Variants in FUT8 observed in about 807,000 individuals in gnomAD.
FUT8 encodes alpha-(1,6)-fucosyltransferase.
In FUT8, 29 loss-of-function variants were observed where a neutral mutation model predicts 71.3. The ratio of observed to expected loss-of-function variants is 0.41; its 90% CI spans 0.30 to 0.55. The LOEUF (loss-of-function observed/expected upper bound fraction) is 0.55. Among genes scored for constraint, FUT8 ranks in the 20% least tolerant of loss-of-function variants. The probability of loss-of-function intolerance (pLI) is 0.34; values close to 1 mark genes in which losing one functional copy is unlikely to be tolerated. For missense variants in FUT8, 544 were observed against 702.1 expected, an observed-to-expected ratio of 0.77 and a Z score of 2.55; for synonymous variants, 254 against 239.3, an observed-to-expected ratio of 1.06 and a Z score of -0.57.
At chr14:65,524,550 T>G (rs539211184) in intron 2 of FUT8, among the ~76,000 whole-genome samples, 94 of 152,306 alleles carry the variant, frequency 6.2e-4, no homozygotes, top group African/African-American at 2.1e-3. Context: ...CTTTTCTCAA[T>G]TGAATGCCCT....
chr14:65,399,640 G>A, the FUT8 span, among the ~76,000 whole-genome samples: 4 of 152,178 alleles, frequency 2.6e-5, no homozygotes, highest in African/African-American at 9.7e-5. Context: ...GTGTTAGAGG[G>A]ACATGGAATA....
intron 6 of FUT8, among the ~76,000 whole-genome samples, chr14:65,635,550 C>T (rs1253382366): frequency 1.3e-5 from 2 of 152,166 alleles, no homozygotes; most frequent in African/African-American, 4.8e-5. Context: ...TAAAGCGATG[C>T]TGGATTTTGT....
the FUT8 span, among the ~76,000 whole-genome samples, chr14:65,369,786 T>G: frequency 6.6e-6 from 1 of 152,214 alleles, no homozygotes; most frequent in Non-Finnish European, 1.5e-5. This position sits in a 1 kb window ranked among gnomAD's most constrained non-coding sequence, Gnocchi z 4.6. Context: ...AACTCATGAA[T>G]AATCTACCCC....
intron 2 of FUT8, among the ~76,000 whole-genome samples, chr14:65,469,936 C>G (rs1024561293): frequency 1.3e-5 from 2 of 152,180 alleles, no homozygotes; most frequent in Non-Finnish European, 2.9e-5. Context: ...ACTGGCAGCC[C>G]GGTCCCCAAC....
intron 7 of FUT8, among the ~76,000 whole-genome samples, chr14:65,717,011 G>T (rs1895112828): frequency 6.7e-6 from 1 of 148,206 alleles, no homozygotes; most frequent in African/African-American, 2.5e-5. Context: ...TGGCCGGGCA[G>T]AGGCGCTCCA....
chr14:65,580,292 G>A (rs1157419249), intron 3 of FUT8, among the ~76,000 whole-genome samples: 1 of 151,316 alleles, frequency 6.6e-6, no homozygotes, highest in Non-Finnish European at 1.5e-5. Context: ...AATACTGTAG[G>A]CAGTTGTAAC....
At chr14:65,375,800 G>A in the FUT8 span, among the ~76,000 whole-genome samples, 4 of 131,964 alleles carry the variant, frequency 3.0e-5, no homozygotes, top group Admixed American at 1.5e-4. Context: ...TAAAAGGTTT[G>A]TATTCTGTGG....
intron 6 of FUT8, among the ~76,000 whole-genome samples, chr14:65,630,784 G>C (rs1890141957): frequency 6.6e-6 from 1 of 152,084 alleles, no homozygotes; most frequent in Admixed American, 6.6e-5. Context: ...TAGTTTTCAG[G>C]GGAAAACAAT....
rs1566848326 is a variant in FUT8, at chr14:65,607,036, T to C, written c.204-8942T>C. Among the ~76,000 whole-genome samples the C allele has an allele frequency of 6.6e-6, 1 of 151,950 alleles. No homozygotes were observed. Among genetic ancestry groups the C allele is most frequent in the Non-Finnish European group, 1.5e-5 (1 of 67,898 alleles). On this transcript the variant is annotated intron_variant, in intron 3 of 10. Coordinates refer to ENST00000673929, the MANE Select transcript of FUT8 (RefSeq NM_001371533.1). This position sits in a 1 kb window ranked among gnomAD's most constrained non-coding sequence, Gnocchi z 4.1. ...TTAGTAATTTGTGGTTGTTGTTGTA[T>C]AGAGACTTTAATTTCTGTACATTGA...
intron 3 of FUT8, among the ~76,000 whole-genome samples, chr14:65,587,143 C>G (rs1194990703): frequency 6.6e-6 from 1 of 150,396 alleles, no homozygotes; most frequent in Admixed American, 6.6e-5. Context: ...GAGCTGAAAT[C>G]GTGCCACTGC....
intron 7 of FUT8, among the ~76,000 whole-genome samples, chr14:65,705,058 CTA>C (rs1311690804): frequency 1.3e-5 from 2 of 152,300 alleles, no homozygotes; most frequent in East Asian, 1.9e-4. Flanking sequence ...TAACACTGCA[CTA>C]TGTTTCATAT....
intron 2 of FUT8, chr14:65,468,373 C>T: frequency 2.0e-6 from 1 of 510,110 alleles, no homozygotes; most frequent in Non-Finnish European, 3.6e-6. Flanking sequence ...GATGGTGGTT[C>T]CGGCCGAAAG....
At chr14:65,482,631 G>A (rs894994414) in intron 2 of FUT8, among the ~76,000 whole-genome samples, 5 of 152,030 alleles carry the variant, frequency 3.3e-5, no homozygotes, top group African/African-American at 1.2e-4. Context: ...GGCTTTATAA[G>A]TCATGAAATC....
intron 2 of FUT8, among the ~76,000 whole-genome samples, chr14:65,547,862 G>A (rs1206779691): frequency 6.6e-6 from 1 of 151,848 alleles, no homozygotes. Context: ...TAAATTAACA[G>A]TAGTGAAATA....
At chr14:65,396,732 C>A in the FUT8 span, among the ~76,000 whole-genome samples, 1 of 152,234 alleles carries the variant, frequency 6.6e-6, no homozygotes. The surrounding 1 kb of genome is among the most constrained non-coding windows in gnomAD (Gnocchi z 5.5). Context: ...TATGCCAAGA[C>A]ACGTGGTTTG....
the FUT8 span, among the ~76,000 whole-genome samples, chr14:65,367,150 A>G: frequency 2.6e-5 from 4 of 152,194 alleles, no homozygotes; most frequent in Non-Finnish European, 5.9e-5. Context: ...TCGTTTCTAC[A>G]TTACAGAAAG....
chr14:65,654,973 G>A lies in FUT8; in HGVS notation c.598-14270G>A, dbSNP rs543457605. Among the ~76,000 whole-genome samples the A allele has an allele frequency of 2.6e-3, 394 of 151,814 alleles. 5 individuals carry two copies. Among genetic ancestry groups the A allele is most frequent in the African/African-American group, 8.9e-3 (370 of 41,416 alleles). ...TCTCCATGTTGGTCAGGCTGATCTC[G>A]AACTCTGACCTCAGGTGATCCGCCC... On this transcript the variant is annotated intron_variant, in intron 6 of 10. Transcript: ENST00000673929.
chr14:65,589,493 G>C (rs1047920981), intron 3 of FUT8, among the ~76,000 whole-genome samples: 4 of 138,840 alleles, frequency 2.9e-5, no homozygotes, highest in Admixed American at 8.4e-5. Flanking sequence ...GCCCAGGCTG[G>C]AGTGCAGTGG....
chr14:65,518,056 A>C (rs1422810966), intron 2 of FUT8, among the ~76,000 whole-genome samples: 1 of 152,202 alleles, frequency 6.6e-6, no homozygotes, highest in Non-Finnish European at 1.5e-5. Flanking sequence ...TTTCCTGGAA[A>C]AGCAGAATAA....
Sources: allele counts gnomAD v4.1 joint callset (sites outside exome capture counted in the v4.1 genomes callset), GRCh38; gene constraint gnomAD v4.1.1; non-coding constraint Gnocchi (gnomAD v3.1); transcripts MANE v1.5; gene names NCBI Gene and HGNC (gene_info 2026-07-23, HGNC 2026-07-21).